MYO1D: variants seen among roughly 807,000 people sequenced by gnomAD.
The protein encoded by MYO1D is myosin ID.
Under a neutral mutation model 122.0 loss-of-function variants are expected in MYO1D, and 83 were observed. The ratio of observed to expected loss-of-function variants is 0.68; its 90% CI spans 0.57 to 0.82. The LOEUF is 0.82. Ranked by LOEUF, MYO1D falls within the 40% of genes least tolerant of loss-of-function variation. The pLI is 0.00. For synonymous variants in MYO1D, 464 were observed against 446.9 expected (o/e 1.04, Z -0.48); for missense variants, 1,157 against 1,269.5 (o/e 0.91, Z 1.35).
At chr17:32,608,621 C>T (rs1221988148) in intron 20 of MYO1D, among the ~76,000 whole-genome samples, 2 of 152,132 alleles carry the variant, frequency 1.3e-5, no homozygotes, top group Non-Finnish European at 2.9e-5. Context: ...GGAAAATTAC[C>T]ACATGAGCCA....
intron 20 of MYO1D, among the ~76,000 whole-genome samples, chr17:32,608,569 A>C (rs541605838): frequency 6.6e-6 from 1 of 152,372 alleles, no homozygotes; most frequent in African/African-American, 2.4e-5. Flanking sequence ...AAAATGTTAC[A>C]GCCACTGTGG....
At chr17:32,552,668 A>G (rs1328121432) in intron 21 of MYO1D, among the ~76,000 whole-genome samples, 2 of 152,198 alleles carry the variant, frequency 1.3e-5, no homozygotes, top group African/African-American at 4.8e-5. Flanking sequence ...GATGTTTAAG[A>G]ACAGTCACTG....
rs1158470135 is a variant in MYO1D at position 32,612,696 on chromosome 17, C to CAAA, written c.2710-7458_2710-7456dup. 2.5e-3 allele frequency among the ~76,000 whole-genome samples: 263 copies of CAAA among 104,586 alleles called. 2 individuals are homozygous for CAAA. The highest frequency in any genetic ancestry group is 8.8e-3 in the African/African-American group (238 of 26,988). 68.6% of individuals were successfully genotyped at this position (104,586 alleles called of 152,430 possible). On this transcript the variant is annotated intron_variant, in intron 20 of 21. Coordinates refer to ENST00000318217, the MANE Select transcript of MYO1D (RefSeq NM_015194.3). ...GAGACCCATCTCAAAAAAAAAAAAA[C>CAAA]AAAAAAAAAAAAAAAAGAAGAAGAA...
intron 21 of MYO1D, chr17:32,531,450 A>G (rs997969492): frequency 2.6e-5 from 4 of 152,228 alleles, no homozygotes; most frequent in Non-Finnish European, 5.9e-5. Flanking sequence ...AGTTCCTTCT[A>G]GGACATTCAA....
intron 2 of MYO1D, among the ~76,000 whole-genome samples, chr17:32,780,229 A>G (rs943252919): frequency 6.6e-6 from 1 of 152,142 alleles, no homozygotes; most frequent in South Asian, 2.1e-4. Context: ...TCACACCTCA[A>G]TATTTCATTT....
At chr17:32,640,829 C>T (rs1014676448) in intron 19 of MYO1D, among the ~76,000 whole-genome samples, 11 of 151,848 alleles carry the variant, frequency 7.2e-5, no homozygotes, top group Non-Finnish European at 1.6e-4. Flanking sequence ...GGTCCATGGA[C>T]AAGTTGGTTT....
intron 21 of MYO1D, among the ~76,000 whole-genome samples, chr17:32,577,342 G>C (rs1372871700): frequency 6.6e-6 from 1 of 151,938 alleles, no homozygotes; most frequent in East Asian, 1.9e-4. Flanking sequence ...ACATTGCCAG[G>C]GCTGGTCGTG....
intron 20 of MYO1D, among the ~76,000 whole-genome samples, chr17:32,634,310 G>A (rs535331488): frequency 2.6e-5 from 4 of 152,170 alleles, no homozygotes; most frequent in Non-Finnish European, 5.9e-5. Context: ...ACTCTCAAGA[G>A]GGGGTGTGCA....
intron 21 of MYO1D, among the ~76,000 whole-genome samples, chr17:32,515,628 C>T (rs933029489): frequency 5.3e-5 from 8 of 152,172 alleles, no homozygotes; most frequent in Non-Finnish European, 1.0e-4. Flanking sequence ...ATAATGCTTT[C>T]TTCTTGGGGC....
At chr17:32,745,495 A>G in intron 12 of MYO1D, 1 of 421,580 alleles carries the variant, frequency 2.4e-6, no homozygotes, top group South Asian at 3.9e-5. Context: ...GATTAAGATG[A>G]TAATTCCCTA....
chr17:32,800,308 T>C (rs548465412), intron 1 of MYO1D, among the ~76,000 whole-genome samples: 11 of 152,188 alleles, frequency 7.2e-5, no homozygotes, highest in Admixed American at 3.9e-4. Flanking sequence ...AACAGAGGAA[T>C]AGATTTTTAA....
chr17:32,856,322 G>T (rs755553038), intron 1 of MYO1D, among the ~76,000 whole-genome samples: 2 of 152,138 alleles, frequency 1.3e-5, no homozygotes, highest in Non-Finnish European at 2.9e-5. Flanking sequence ...CCTCTCAAAT[G>T]TCTTTCTCTC....
At position 32,666,245 on chromosome 17, in the gene MYO1D, A is replaced by G. The variant is rs148798637; in HGVS notation, c.2122-6907T>C. 5.1e-3 allele frequency among the ~76,000 whole-genome samples: 771 copies of G among 152,300 alleles called. 8 individuals carry two copies. The highest frequency in any genetic ancestry group is 0.018 in the African/African-American group (743 of 41,554). ...CCTTCCCAGTCTAGAATCTTTCTAC[A>G]GCCCTACAGTCAGAACAAGGCAAAC... On this transcript the variant is annotated intron_variant, in intron 16 of 21. Coordinates refer to ENST00000318217, the MANE Select transcript of MYO1D (RefSeq NM_015194.3).
chr17:32,701,653 C>G (rs890210530), intron 16 of MYO1D, among the ~76,000 whole-genome samples: 2 of 152,108 alleles, frequency 1.3e-5, no homozygotes, highest in African/African-American at 4.8e-5. Context: ...GCCTAGAACT[C>G]CTGGGCTCAA....
chr17:32,725,781 A>G (rs1370425087), intron 14 of MYO1D, among the ~76,000 whole-genome samples: 1 of 152,008 alleles, frequency 6.6e-6, no homozygotes, highest in East Asian at 1.9e-4. Flanking sequence ...ACAAACTACA[A>G]GCATATTTAA....
At chr17:32,613,379 C>T (rs980676532) in intron 20 of MYO1D, among the ~76,000 whole-genome samples, 3 of 152,120 alleles carry the variant, frequency 2.0e-5, no homozygotes, top group Non-Finnish European at 2.9e-5. Context: ...CGTACAAATA[C>T]AGATGCAAAA....
chr17:32,628,423 C>A (rs2087956314), intron 20 of MYO1D, among the ~76,000 whole-genome samples: 1 of 152,184 alleles, frequency 6.6e-6, no homozygotes, highest in Non-Finnish European at 1.5e-5. Context: ...GTCTCAAAAA[C>A]CTGTCACGAT....
At chr17:32,824,086 A>C (rs866311653) in intron 1 of MYO1D, among the ~76,000 whole-genome samples, 3 of 150,502 alleles carry the variant, frequency 2.0e-5, no homozygotes, top group Non-Finnish European at 1.5e-5. Context: ...AAAAAAAAAG[A>C]AGTACTAAAG....
chr17:32,861,450 T>C (rs945939332), intron 1 of MYO1D, among the ~76,000 whole-genome samples: 5 of 152,102 alleles, frequency 3.3e-5, no homozygotes, highest in African/African-American at 1.2e-4. Flanking sequence ...AAACAAACAT[T>C]CAGCCATCTC....
Sources: gnomAD v4.1 joint callset for allele counts (sites outside exome capture counted in the v4.1 genomes callset) on GRCh38, gnomAD v4.1.1 for gene constraint, MANE v1.5 for transcripts, NCBI Gene and HGNC (gene_info 2026-07-23, HGNC 2026-07-21) for gene names.